The following GRID2 variants were observed in gnomAD, a reference collection of about 807,000 sequenced individuals.
GRID2 encodes glutamate receptor ionotropic, delta-2.
Under a neutral mutation model 114.8 loss-of-function variants are expected in GRID2, and 33 were observed. The ratio of observed to expected loss-of-function variants is 0.29; its 90% confidence interval spans 0.22 to 0.38. GRID2 has a LOEUF of 0.38. GRID2 is among the 10% of genes least tolerant of loss of function. The probability of loss-of-function intolerance (pLI) is 1.00; values close to 1 mark genes in which losing one functional copy is unlikely to be tolerated. For synonymous variants in GRID2, 505 were observed against 449.9 expected, an observed-to-expected ratio of 1.12 and a Z score of -1.55; for missense variants, 1,184 against 1,257.7, an observed-to-expected ratio of 0.94 and a Z score of 0.89.
intron 4 of GRID2, among the ~76,000 whole-genome samples, chr4:93,128,607 C>T (rs945778612): frequency 2.6e-5 from 4 of 152,082 alleles, no homozygotes; most frequent in Non-Finnish European, 2.9e-5. Flanking sequence ...CAGATGGCAA[C>T]GATGATTCCC....
chr4:93,302,600 G>T (rs1468521520), intron 8 of GRID2: 2 of 456,046 alleles, frequency 4.4e-6, no homozygotes, highest in Admixed American at 2.3e-5. Context: ...TCATTTTCAA[G>T]TAATTTGACC....
intron 2 of GRID2, among the ~76,000 whole-genome samples, chr4:92,929,657 T>G (rs1750079429): frequency 6.6e-6 from 1 of 151,356 alleles, no homozygotes; most frequent in South Asian, 2.1e-4. Context: ...TTGAGGGCAT[T>G]GATAGTACAA....
At chr4:93,468,095 C>T (rs1724462161) in intron 11 of GRID2, among the ~76,000 whole-genome samples, 1 of 152,100 alleles carries the variant, frequency 6.6e-6, no homozygotes, top group Admixed American at 6.6e-5. Flanking sequence ...GTCTGAATTC[C>T]TCTGTGATAC....
intron 2 of GRID2, among the ~76,000 whole-genome samples, chr4:92,875,176 T>TC (rs200636605): frequency 0.038 from 4,403 of 115,764 alleles, 112 homozygotes; most frequent in Non-Finnish European, 0.06. Context: ...TTTTTTTTTT[T>TC]CCCGAGACGG....
At chr4:93,781,951 T>C (rs141310780) in intron 1 of GRID2, among the ~76,000 whole-genome samples, 141 of 152,306 alleles carry the variant, frequency 9.3e-4, no homozygotes, top group African/African-American at 3.3e-3. Context: ...TCAAATGTTT[T>C]CTGAGGCCTA....
intron 1 of GRID2, among the ~76,000 whole-genome samples, chr4:92,521,019 C>A (rs1724745393): frequency 6.6e-6 from 1 of 151,954 alleles, no homozygotes; most frequent in African/African-American, 2.4e-5. Context: ...ATAACAATTA[C>A]CGTTCATAAG....
chr4:93,520,683 G>C (rs1730244700), intron 13 of GRID2, among the ~76,000 whole-genome samples: 1 of 152,046 alleles, frequency 6.6e-6, no homozygotes, highest in Non-Finnish European at 1.5e-5. Flanking sequence ...GCTGATGCTT[G>C]GGCCCCACTA....
At chr4:93,124,187 C>G (rs933770080) in intron 4 of GRID2, among the ~76,000 whole-genome samples, 46 of 151,174 alleles carry the variant, frequency 3.0e-4, no homozygotes, top group African/African-American at 1.0e-3. Flanking sequence ...AGAGAAGACA[C>G]CAGTCATGGA....
chr4:93,315,319 A>G (rs1756470251), intron 8 of GRID2, among the ~76,000 whole-genome samples: 1 of 152,160 alleles, frequency 6.6e-6, no homozygotes, highest in Non-Finnish European at 1.5e-5. Context: ...ATCATAAGCT[A>G]TGGGGATCTA....
chr4:93,414,281 A>G (rs1055538480), intron 9 of GRID2, among the ~76,000 whole-genome samples: 4 of 152,280 alleles, frequency 2.6e-5, no homozygotes, highest in Non-Finnish European at 5.9e-5. Flanking sequence ...TATTGTCAAT[A>G]GTAACTGTCA....
chr4:93,284,225 T>C (rs964786845), intron 8 of GRID2, among the ~76,000 whole-genome samples: 4 of 152,070 alleles, frequency 2.6e-5, no homozygotes, highest in African/African-American at 9.7e-5. Context: ...CATAACAACA[T>C]TTTTTGCTCT....
intron 8 of GRID2, among the ~76,000 whole-genome samples, chr4:93,349,518 T>C (rs1760582160): frequency 1.3e-5 from 2 of 152,092 alleles, no homozygotes; most frequent in African/African-American, 4.8e-5. Context: ...AAAGTTACAC[T>C]AGAATATTGC....
At chr4:93,295,392 G>T (rs1754184401) in intron 8 of GRID2, among the ~76,000 whole-genome samples, 1 of 152,162 alleles carries the variant, frequency 6.6e-6, no homozygotes, top group Admixed American at 6.5e-5. Context: ...TATCCTCAAT[G>T]CCAAATGTAT....
intron 2 of GRID2, among the ~76,000 whole-genome samples, chr4:92,715,686 C>G (rs575344820): frequency 6.6e-6 from 1 of 152,220 alleles, no homozygotes; most frequent in South Asian, 2.1e-4. Flanking sequence ...TTTTATAAAA[C>G]CATCAGATCT....
intron 2 of GRID2, among the ~76,000 whole-genome samples, chr4:92,781,562 C>A (rs1560588507): frequency 6.6e-6 from 1 of 151,902 alleles, no homozygotes; most frequent in Non-Finnish European, 1.5e-5. Context: ...GTTGGAAATT[C>A]CGTGTTATGA....
chr4:93,200,470 G>C (rs1741963939), intron 4 of GRID2, among the ~76,000 whole-genome samples: 1 of 152,100 alleles, frequency 6.6e-6, no homozygotes, highest in African/African-American at 2.4e-5. Flanking sequence ...GGAGGCTGAG[G>C]CAGGAGAATG....
chr4:92,680,385 A>C (rs1733592820), intron 2 of GRID2, among the ~76,000 whole-genome samples: 2 of 152,182 alleles, frequency 1.3e-5, no homozygotes, highest in Non-Finnish European at 2.9e-5. Context: ...ACAAATGTGA[A>C]TCAAATTAGT....
intron 2 of GRID2, among the ~76,000 whole-genome samples, chr4:92,734,429 A>G (rs1265623877): frequency 6.6e-6 from 1 of 151,866 alleles, no homozygotes; most frequent in African/African-American, 2.4e-5. Flanking sequence ...CTACAGGTGC[A>G]TGCCACCACA....
intron 1 of GRID2, among the ~76,000 whole-genome samples, chr4:92,493,237 G>A (rs188104051): frequency 6.3e-4 from 96 of 152,100 alleles, no homozygotes; most frequent in Middle Eastern, 6.8e-3. Context: ...CTAAAAGAGG[G>A]CATTATAAAA....
Sources: gnomAD v4.1 joint callset for allele counts (sites outside exome capture counted in the v4.1 genomes callset) on GRCh38, gnomAD v4.1.1 for gene constraint, MANE v1.5 for transcripts, NCBI Gene and HGNC (gene_info 2026-07-23, HGNC 2026-07-21) for gene names.